Variants in PCDH15 observed in about 807,000 individuals in gnomAD.
PCDH15 encodes protocadherin related 15, also known as protocadherin-15.
PCDH15 carries 129 observed loss-of-function variants against 178.5 expected under a neutral mutation model. The ratio of observed to expected loss-of-function variants is 0.72; its 90% CI spans 0.63 to 0.84. The LOEUF is 0.84. Ranked by LOEUF, PCDH15 falls within the 40% of genes least tolerant of loss-of-function variation. PCDH15 has a pLI of 0.00. For missense variants in PCDH15, 2,230 were observed against 2,099.9 expected (o/e 1.06, Z -1.21); for synonymous variants, 800 against 732.0 (o/e 1.09, Z -1.50).
chr10:53,893,506 G>A (rs1363727543), intron 26 of PCDH15, among the ~76,000 whole-genome samples: 1 of 152,156 alleles, frequency 6.6e-6, no homozygotes. Context: ...CACGTTTATA[G>A]CAGCACAATT....
chr10:53,885,364 T>C (rs1256530931), intron 26 of PCDH15, among the ~76,000 whole-genome samples: 1 of 152,034 alleles, frequency 6.6e-6, no homozygotes, highest in Non-Finnish European at 1.5e-5. Flanking sequence ...TGATATACTG[T>C]GGTATAAGGA....
At chr10:55,203,889 T>C (rs536250068) in intron 1 of PCDH15, among the ~76,000 whole-genome samples, 4 of 152,066 alleles carry the variant, frequency 2.6e-5, no homozygotes, top group Admixed American at 2.6e-4. Flanking sequence ...TTATTTACTG[T>C]GATTCTAAGA....
At chr10:55,597,020 C>A (rs941635508) in intron 2 of PCDH15, 4 of 152,156 alleles carry the variant, frequency 2.6e-5, no homozygotes, top group Admixed American at 6.5e-5. Flanking sequence ...AACCTTATAT[C>A]TCAATGTACT....
chr10:55,336,362 G>C (rs1255541978), intron 2 of PCDH15, among the ~76,000 whole-genome samples: 1 of 152,022 alleles, frequency 6.6e-6, no homozygotes, highest in Non-Finnish European at 1.5e-5. Flanking sequence ...CCTGGGCATG[G>C]TGGTGCCCAC....
intron 2 of PCDH15, among the ~76,000 whole-genome samples, chr10:55,505,458 A>C (rs994663464): frequency 1.3e-5 from 2 of 151,372 alleles, no homozygotes; most frequent in Non-Finnish European, 3.0e-5. Context: ...TTAGTAGACA[A>C]GGACATGGTG....
chr10:55,436,148 G>A (rs896022493), intron 2 of PCDH15, among the ~76,000 whole-genome samples: 1 of 152,016 alleles, frequency 6.6e-6, no homozygotes, highest in African/African-American at 2.4e-5. Flanking sequence ...ATCCAACCTA[G>A]TTAAGGAGTT....
Position 54,282,844 on chromosome 10 carries a change from T to A in PCDH15, c.876+34427A>T, listed in dbSNP as rs115328536. 2.0e-3 allele frequency among the ~76,000 whole-genome samples: 303 copies of A among 152,286 alleles called. 1 individual carries two copies. Among genetic ancestry groups the A allele is most frequent in the African/African-American group, 7.0e-3 (290 of 41,568 alleles). On this transcript the variant is annotated intron_variant, in intron 8 of 37. Coordinates refer to ENST00000644397, the MANE Select transcript of PCDH15 (RefSeq NM_001384140.1). ...TTAGAAACTTTAACAAGTTACATAATGTTTAAATTCATGATTTCTGTGGGT... is the reference window on the plus strand; with the variant it reads ...TTAGAAACTTTAACAAGTTACATAAAGTTTAAATTCATGATTTCTGTGGGT...
At chr10:54,824,027 A>T (rs945724344) in intron 3 of PCDH15, among the ~76,000 whole-genome samples, 1 of 152,162 alleles carries the variant, frequency 6.6e-6, no homozygotes, top group African/African-American at 2.4e-5. Flanking sequence ...CTATCAAAGC[A>T]TATTAGCACA....
rs10647110 is a variant in PCDH15 at position 55,459,241 on chromosome 10, A to AAAAAAAAAAAAG, written c.-156+168383_-156+168384insCTTTTTTTTTTT. 1.3e-4 allele frequency among the ~76,000 whole-genome samples: 18 copies of AAAAAAAAAAAAG among 134,216 alleles called. 1 individual carries two copies. Among genetic ancestry groups the AAAAAAAAAAAAG allele is most frequent in the African/African-American group, 3.4e-4 (12 of 35,278 alleles). The allele number at this position is 134,216 out of a possible 152,430, so 88.1% of individuals were successfully genotyped here. ...CGAGTGTCCTTGGAGGCAAAAAAAA[A>AAAAAAAAAAAAG]AAAGAAGGAAAGAAAAAAATAAATC... On this transcript the variant is annotated intron_variant, in intron 2 of 5. Transcript: ENST00000613346.
intron 2 of PCDH15, among the ~76,000 whole-genome samples, chr10:55,050,597 C>G (rs555416714): frequency 5.9e-5 from 9 of 152,114 alleles, no homozygotes; most frequent in East Asian, 1.9e-4. Flanking sequence ...AAAACGCTGT[C>G]CTATGAGCTT....
At chr10:54,377,883 A>G (rs767618914) in intron 4 of PCDH15, among the ~76,000 whole-genome samples, 2 of 151,832 alleles carry the variant, frequency 1.3e-5, no homozygotes, top group African/African-American at 2.4e-5. Flanking sequence ...TTTTTTTTTA[A>G]TTTTTCCAGA....
At chr10:54,227,594 C>T (rs2053590057) in intron 9 of PCDH15, among the ~76,000 whole-genome samples, 1 of 152,202 alleles carries the variant, frequency 6.6e-6, no homozygotes, top group African/African-American at 2.4e-5. Context: ...TAACATACAG[C>T]TCCTCGTTAC....
intron 2 of PCDH15, among the ~76,000 whole-genome samples, chr10:55,409,424 T>C (rs937024388): frequency 8.5e-5 from 13 of 152,166 alleles, no homozygotes; most frequent in African/African-American, 3.1e-4. Context: ...ATCTGGCCTA[T>C]TTTTATGATT....
At chr10:54,479,034 A>T (rs1389133423) in intron 3 of PCDH15, among the ~76,000 whole-genome samples, 1 of 151,842 alleles carries the variant, frequency 6.6e-6, no homozygotes, top group East Asian at 1.9e-4. Context: ...GAAAGAAGGA[A>T]GATTGTGCCA....
At chr10:53,851,375 C>T (rs1233547918) in intron 28 of PCDH15, among the ~76,000 whole-genome samples, 2 of 151,778 alleles carry the variant, frequency 1.3e-5, no homozygotes, top group Non-Finnish European at 2.9e-5. Flanking sequence ...GCAGGGACTT[C>T]ACACTGTTCA....
chr10:55,557,936 T>G (rs1842123217), intron 2 of PCDH15, among the ~76,000 whole-genome samples: 1 of 152,130 alleles, frequency 6.6e-6, no homozygotes, highest in Non-Finnish European at 1.5e-5. Flanking sequence ...TTTGATGGAC[T>G]TATAGAAATA....
At chr10:54,379,026 G>A in intron 3 of PCDH15, 84 bp from the exon 4 acceptor site, 1 of 1,472,522 alleles carries the variant, frequency 6.8e-7, no homozygotes, top group Non-Finnish European at 9.4e-7. Flanking sequence ...ACCGCGGCTG[G>A]CTCACAATCA....
chr10:54,692,969 T>C (rs1234232038), intron 1 of PCDH15, among the ~76,000 whole-genome samples: 2 of 152,056 alleles, frequency 1.3e-5, no homozygotes, highest in African/African-American at 4.8e-5. Flanking sequence ...GTTCGTTACA[T>C]AGGTATACGT....
At chr10:54,750,490 A>G (rs2132962503) in intron 1 of PCDH15, among the ~76,000 whole-genome samples, 1 of 152,240 alleles carries the variant, frequency 6.6e-6, no homozygotes, top group South Asian at 2.1e-4. Flanking sequence ...GTGATGAATC[A>G]AATCATAAAG....
Sources: gnomAD v4.1 joint callset for allele counts (sites outside exome capture counted in the v4.1 genomes callset) on GRCh38, gnomAD v4.1.1 for gene constraint, MANE v1.5 for transcripts, NCBI Gene and HGNC (gene_info 2026-07-23, HGNC 2026-07-21) for gene names.